UTRN: variants seen among roughly 807,000 people sequenced by gnomAD.
UTRN encodes dystrophin-related protein 1.
Under a neutral mutation model 463.9 loss-of-function variants are expected in UTRN, and 283 were observed. That is an observed-to-expected ratio of 0.61 (90% CI 0.55 to 0.67). The LOEUF is 0.67. Among genes scored for constraint, UTRN ranks in the 30% least tolerant of loss-of-function variants. The pLI is 0.00. For missense variants in UTRN, 3,922 were observed against 4,084.3 expected (o/e 0.96, Z 1.08); for synonymous variants, 1,442 against 1,431.5 (o/e 1.01, Z -0.17).
chr6:144,297,480 A>G (rs768766338), intron 2 of UTRN, among the ~76,000 whole-genome samples: 10 of 152,194 alleles, frequency 6.6e-5, no homozygotes, highest in South Asian at 2.1e-4. Flanking sequence ...TCATCGGTCT[A>G]TTTCTTTCTT....
intron 58 of UTRN, among the ~76,000 whole-genome samples, chr6:144,771,576 C>T (rs144524339): frequency 0.012 from 1,875 of 151,846 alleles, 38 homozygotes; most frequent in African/African-American, 0.043. Flanking sequence ...CAGGCACCCA[C>T]CACCATACCT....
At chr6:144,582,936 A>C (rs780435606) in intron 51 of UTRN, among the ~76,000 whole-genome samples, 3 of 152,124 alleles carry the variant, frequency 2.0e-5, no homozygotes, top group African/African-American at 4.8e-5. Flanking sequence ...CTCAAGATTT[A>C]TAACAGGGTC....
chr6:144,700,614 C>G (rs994863855), intron 53 of UTRN, among the ~76,000 whole-genome samples: 1 of 152,034 alleles, frequency 6.6e-6, no homozygotes, highest in South Asian at 2.1e-4. Context: ...GTTGCCCAGG[C>G]TGGAGTACAA....
chr6:144,437,675 T>A lies in UTRN; in HGVS notation c.1170T>A (p.Ile390=). ...GTLSDEEEFE[I]QEQMTLLNAR... Reference sequence around the variant, plus strand: ...TGTCAGACGAAGAAGAATTTGAGATTCAGGAACAGATGACCCTGCTGAATG... The same window carrying A: ...TGTCAGACGAAGAAGAATTTGAGATACAGGAACAGATGACCCTGCTGAATG... Residue 390 remains isoleucine (I), a synonymous_variant, in exon 11 of 75, where the codon ATT becomes ATA. Coordinates refer to ENST00000367545, the MANE Select transcript of UTRN (RefSeq NM_007124.3). The A allele has an allele frequency of 6.2e-7, 1 of 1,614,176 alleles. No homozygotes were observed. The highest frequency in any genetic ancestry group is 8.5e-7 in the Non-Finnish European group (1 of 1,180,030).
At chr6:144,750,635 C>T (rs1791292791) in intron 55 of UTRN, among the ~76,000 whole-genome samples, 1 of 152,156 alleles carries the variant, frequency 6.6e-6, no homozygotes, top group African/African-American at 2.4e-5. Flanking sequence ...TAGTTTGGTA[C>T]ATTATTAACT....
chr6:144,621,024 G>A (rs1262094354), intron 51 of UTRN, among the ~76,000 whole-genome samples: 1 of 152,122 alleles, frequency 6.6e-6, no homozygotes, highest in Non-Finnish European at 1.5e-5. Flanking sequence ...TTGGATCTAA[G>A]GGTATCATGA....
rs183957732 is a variant in UTRN, at chr6:144,418,174, T to G, written c.142-3704T>G. 6.8e-4 allele frequency among the ~76,000 whole-genome samples: 104 copies of G among 151,940 alleles called. 1 individual carries two copies. In the East Asian group the frequency reaches 0.013, roughly 19 times the overall value. ...TCTTGTTTACAGATGAGGTCATTAA[T>G]GGACATCCATAATTATTTATAATAT... On this transcript the variant is annotated intron_variant, in intron 3 of 74. Coordinates refer to ENST00000367545, the MANE Select transcript of UTRN (RefSeq NM_007124.3).
chr6:144,345,813 G>C (rs377420007), intron 2 of UTRN, among the ~76,000 whole-genome samples: 1 of 151,984 alleles, frequency 6.6e-6, no homozygotes, highest in Non-Finnish European at 1.5e-5. Context: ...TGCTACAAAG[G>C]GTCTAGGGTA....
intron 53 of UTRN, among the ~76,000 whole-genome samples, chr6:144,719,354 G>A (rs960344449): frequency 2.0e-5 from 3 of 152,084 alleles, no homozygotes; most frequent in Admixed American, 1.3e-4. Flanking sequence ...CGAGGAAGGC[G>A]GATCACCTGA....
chr6:144,524,778 G>A (rs7770644), intron 41 of UTRN, among the ~76,000 whole-genome samples: 3 of 152,106 alleles, frequency 2.0e-5, no homozygotes, highest in African/African-American at 7.2e-5. Context: ...AGTTCTCAGG[G>A]GGAATGCTTT....
At chr6:144,807,609 C>T (rs1254905628) in intron 65 of UTRN, among the ~76,000 whole-genome samples, 1 of 152,086 alleles carries the variant, frequency 6.6e-6, no homozygotes, top group Non-Finnish European at 1.5e-5. Flanking sequence ...ATGTCCAAAT[C>T]CCACCTTCTC....
chr6:144,631,746 T>A (rs1237699494), intron 51 of UTRN, among the ~76,000 whole-genome samples: 1 of 152,188 alleles, frequency 6.6e-6, no homozygotes, highest in Non-Finnish European at 1.5e-5. Flanking sequence ...TTGGGCTCTA[T>A]CTTCTATTTC....
intron 52 of UTRN, among the ~76,000 whole-genome samples, chr6:144,686,847 T>A (rs1213388383): frequency 6.6e-6 from 1 of 152,070 alleles, no homozygotes; most frequent in East Asian, 1.9e-4. Context: ...TGCCACTATG[T>A]CTTTTAGGTG....
rs760575588 is a variant in UTRN, at chr6:144,473,846, G to A, written c.3180+13G>A. ...AGACCAGTGCTCTGTGAGTTCTGCT[G>A]ATCTGGGGAACTTGTCATAAATAAC... On this transcript the variant is annotated intron_variant, in intron 24 of 74. Coordinates refer to ENST00000367545, the MANE Select transcript of UTRN (RefSeq NM_007124.3). 6.3e-7 allele frequency: 1 copy of A among 1,577,258 alleles called. No individual in the cohort carries two copies. The highest frequency in any genetic ancestry group is 1.1e-5 in the South Asian group (1 of 88,204).
chr6:144,716,081 TG>T (rs1786412798), intron 53 of UTRN, among the ~76,000 whole-genome samples: 2 of 152,194 alleles, frequency 1.3e-5, no homozygotes, highest in Non-Finnish European at 2.9e-5. Flanking sequence ...AATAACACAA[TG>T]GCACTTTATG....
At chr6:144,301,946 G>C (rs781776842) in intron 2 of UTRN, among the ~76,000 whole-genome samples, 7 of 152,056 alleles carry the variant, frequency 4.6e-5, no homozygotes, top group Non-Finnish European at 1.0e-4. Flanking sequence ...TCTTACCTCT[G>C]TGACTTCGCT....
intron 65 of UTRN, among the ~76,000 whole-genome samples, chr6:144,809,539 GAGA>G (rs1340001226): frequency 6.6e-6 from 1 of 152,120 alleles, no homozygotes; most frequent in Non-Finnish European, 1.5e-5. Context: ...TATAAGAAGT[GAGA>G]AGAAGAGTCA....
At chr6:144,416,823 A>G (rs1040349706) in intron 3 of UTRN, among the ~76,000 whole-genome samples, 1 of 152,204 alleles carries the variant, frequency 6.6e-6, no homozygotes, top group Admixed American at 6.5e-5. Context: ...AACTCTCTTG[A>G]GAATAAGGAG....
At chr6:144,361,106 A>G (rs183052933) in intron 2 of UTRN, among the ~76,000 whole-genome samples, 1 of 152,362 alleles carries the variant, frequency 6.6e-6, no homozygotes, top group Admixed American at 6.5e-5. Context: ...TATTCTTGTT[A>G]TGCTGCTTCC....
Sources: allele counts gnomAD v4.1 joint callset (sites outside exome capture counted in the v4.1 genomes callset), GRCh38; gene constraint gnomAD v4.1.1; transcripts MANE v1.5; gene names NCBI Gene and HGNC (gene_info 2026-07-23, HGNC 2026-07-21).